SDCCAG8: variants seen among roughly 807,000 people sequenced by gnomAD.
SDCCAG8 encodes serologically defined colon cancer antigen 8.
A neutral mutation model predicts 101.8 loss-of-function variants in SDCCAG8; 74 were observed. The ratio of observed to expected loss-of-function variants is 0.73; its 90% CI spans 0.60 to 0.88. The LOEUF (loss-of-function observed/expected upper bound fraction) is 0.88, where lower values mean the gene tolerates loss of function less well. Among genes scored for constraint, SDCCAG8 ranks in the 40% least tolerant of loss-of-function variants. SDCCAG8 has a pLI of 0.00. For synonymous variants in SDCCAG8, 281 were observed against 292.9 expected (o/e 0.96, Z 0.41); for missense variants, 787 against 822.6 (o/e 0.96, Z 0.53).
At chr1:243,460,839 G>A (rs1658941918) in intron 16 of SDCCAG8, among the ~76,000 whole-genome samples, 1 of 152,168 alleles carries the variant, frequency 6.6e-6, no homozygotes, top group Admixed American at 6.5e-5. Flanking sequence ...CTCAGGTGGT[G>A]GAAGTCTGTG....
At chr1:243,364,835 A>T (rs1405668070) in intron 12 of SDCCAG8, among the ~76,000 whole-genome samples, 1 of 152,176 alleles carries the variant, frequency 6.6e-6, no homozygotes, top group East Asian at 1.9e-4. Context: ...CCTCTAAATT[A>T]AGAAATAGTA....
intron 16 of SDCCAG8, among the ~76,000 whole-genome samples, chr1:243,478,819 G>T (rs56020665): frequency 7.2e-5 from 11 of 151,794 alleles, no homozygotes; most frequent in Non-Finnish European, 1.6e-4. Context: ...TTAGCTGAGC[G>T]TGGTGGTGTG....
chr1:243,349,912 A>C (rs1332663273), intron 12 of SDCCAG8, among the ~76,000 whole-genome samples: 1 of 152,116 alleles, frequency 6.6e-6, no homozygotes, highest in Non-Finnish European at 1.5e-5. Flanking sequence ...TCAAGTTTGA[A>C]ATGACTTTAA....
At chr1:243,492,004 C>A (rs1029906273) in intron 17 of SDCCAG8, among the ~76,000 whole-genome samples, 2 of 152,194 alleles carry the variant, frequency 1.3e-5, no homozygotes, top group Non-Finnish European at 2.9e-5. Flanking sequence ...CCCTTTCCTT[C>A]CCTCCCTGTC....
chr1:243,258,788 A>T (rs2066963793), intron 1 of SDCCAG8, among the ~76,000 whole-genome samples: 1 of 152,220 alleles, frequency 6.6e-6, no homozygotes, highest in Admixed American at 6.5e-5. Context: ...GAGTGTGCCT[A>T]ATAATTTAAG....
chr1:243,459,930 C>T (rs1030969629), intron 16 of SDCCAG8, among the ~76,000 whole-genome samples: 4 of 152,030 alleles, frequency 2.6e-5, no homozygotes, highest in African/African-American at 9.7e-5. Context: ...TTTTTATTAC[C>T]ACTCAATGGT....
At chr1:243,295,483 G>T (rs992472477) in intron 6 of SDCCAG8, among the ~76,000 whole-genome samples, 3 of 151,936 alleles carry the variant, frequency 2.0e-5, no homozygotes, top group Non-Finnish European at 4.4e-5. Context: ...TAATCCACCC[G>T]CCTCGGCCTC....
chr1:243,381,977 A>G (rs938679617), intron 13 of SDCCAG8, among the ~76,000 whole-genome samples: 7 of 152,234 alleles, frequency 4.6e-5, no homozygotes, highest in Non-Finnish European at 8.8e-5. Context: ...TTTGGCAGCA[A>G]TCTTGATTAG....
intron 17 of SDCCAG8, among the ~76,000 whole-genome samples, chr1:243,498,785 C>G (rs10927028): frequency 0.21 from 31,972 of 152,238 alleles, 3,454 homozygotes; most frequent in African/African-American, 0.24. Context: ...CTTGGAAAAT[C>G]CTCACTGGAG....
At chr1:243,317,553 T>A (rs535201321) in intron 9 of SDCCAG8, among the ~76,000 whole-genome samples, 3 of 152,282 alleles carry the variant, frequency 2.0e-5, no homozygotes, top group Admixed American at 2.0e-4. Context: ...ACTCATGACC[T>A]CAGGTGATCT....
intron 7 of SDCCAG8, among the ~76,000 whole-genome samples, chr1:243,307,061 G>GTT (rs576037723): frequency 6.3e-4 from 86 of 135,488 alleles, no homozygotes; most frequent in African/African-American, 2.1e-3. Flanking sequence ...GTTTTTTTTT[G>GTT]TTTTTTTTTT....
At chr1:243,278,540 A>G (rs2068766687) in intron 4 of SDCCAG8, among the ~76,000 whole-genome samples, 1 of 152,048 alleles carries the variant, frequency 6.6e-6, no homozygotes, top group South Asian at 2.1e-4. Context: ...TTTTTAGTGT[A>G]ATGGTATTAT....
At position 243,360,172 on chromosome 1, in the gene SDCCAG8, G is replaced by A. The variant is rs150568849; in HGVS notation, c.1473+15841G>A. 4.7e-3 allele frequency among the ~76,000 whole-genome samples: 587 copies of A among 126,160 alleles called. 4 individuals are homozygous for A. Among genetic ancestry groups the A allele is most frequent in the African/African-American group, 0.014 (462 of 32,374 alleles). The allele number at this position is 126,160 out of a possible 152,430, so 82.8% of individuals were successfully genotyped here. On this transcript the variant is annotated intron_variant, in intron 12 of 17. Coordinates refer to ENST00000366541, the MANE Select transcript of SDCCAG8 (RefSeq NM_006642.5). ...TTTTTTTTTTTTTTTTTGAGATGGT[G>A]TCTCGCTCTGTCACCTAGGCTGGAG...
intron 8 of SDCCAG8, 39 bp downstream of exon 8, chr1:243,308,216 T>C (rs1254533510): frequency 1.9e-6 from 3 of 1,604,510 alleles, no homozygotes; most frequent in East Asian, 2.2e-5. Flanking sequence ...TTTGGCAATA[T>C]GGAAAATTCT....
intron 16 of SDCCAG8, among the ~76,000 whole-genome samples, chr1:243,459,240 C>T (rs1417928963): frequency 3.9e-5 from 6 of 151,950 alleles, no homozygotes; most frequent in Admixed American, 1.3e-4. Flanking sequence ...AGTGGAGGCT[C>T]GGAGGGAGGA....
At chr1:243,353,393 A>T (rs1386044730) in intron 12 of SDCCAG8, among the ~76,000 whole-genome samples, 1 of 146,522 alleles carries the variant, frequency 6.8e-6, no homozygotes, top group Non-Finnish European at 1.5e-5. Context: ...CGGGAGACTG[A>T]GGCAGGAGAA....
intron 10 of SDCCAG8, among the ~76,000 whole-genome samples, chr1:243,340,432 A>C (rs2075317132): frequency 2.0e-5 from 3 of 152,154 alleles, no homozygotes. Context: ...TGGGAACTGG[A>C]GTCAAGGAAG....
intron 16 of SDCCAG8, among the ~76,000 whole-genome samples, chr1:243,448,805 C>G (rs2083132081): frequency 6.6e-6 from 1 of 152,218 alleles, no homozygotes; most frequent in Non-Finnish European, 1.5e-5. Flanking sequence ...GCCTATAGTT[C>G]AGATCCTGGC....
At chr1:243,300,289 C>G (rs922384580) in intron 6 of SDCCAG8, among the ~76,000 whole-genome samples, 2 of 151,942 alleles carry the variant, frequency 1.3e-5, no homozygotes, top group African/African-American at 2.4e-5. Flanking sequence ...ATTTTTCTCC[C>G]CTATATCTAT....
Sources: gnomAD v4.1 joint callset for allele counts (sites outside exome capture counted in the v4.1 genomes callset) on GRCh38, gnomAD v4.1.1 for gene constraint, MANE v1.5 for transcripts, NCBI Gene and HGNC (gene_info 2026-07-23, HGNC 2026-07-21) for gene names.